RABL6: variants seen among roughly 807,000 people sequenced by gnomAD.
RABL6 encodes the protein rab-like protein 6.
A neutral mutation model predicts 72.9 loss-of-function variants in RABL6; 28 were observed. That is an observed-to-expected ratio of 0.38 (90% CI 0.28 to 0.53). The LOEUF is 0.53. RABL6 is among the 20% of genes least tolerant of loss of function. The probability of loss-of-function intolerance (pLI) is 0.80; values close to 1 mark genes in which losing one functional copy is unlikely to be tolerated. For missense variants in RABL6, 1,029 were observed against 1,008.4 expected (o/e 1.02, Z -0.28); for synonymous variants, 477 against 421.2 (o/e 1.13, Z -1.62).
chr9:136,821,828 T>C (rs904541635), intron 1 of RABL6: 4 of 1,192,170 alleles, frequency 3.4e-6, no homozygotes, highest in Admixed American at 3.5e-5. Flanking sequence ...GGCCCAGCCT[T>C]CCGCGGGGTG....
chr9:136,829,195 G>A (rs1325744857), intron 4 of RABL6, among the ~76,000 whole-genome samples, 198 bp from the exon 5 acceptor site: 2 of 152,254 alleles, frequency 1.3e-5, no homozygotes, highest in Admixed American at 6.5e-5. Flanking sequence ...GGAGCCATCA[G>A]CGAGGCTGGT....
intron 7 of RABL6, chr9:136,835,540 G>A (rs557818428): frequency 7.3e-5 from 39 of 534,608 alleles, no homozygotes; most frequent in African/African-American, 4.8e-4. Context: ...GTGTCGTGCC[G>A]GCCACCGCAG....
rs993342275 is a variant in RABL6 at position 136,821,798 on chromosome 9, G to A, written c.131-1727G>A. ...GGCCTCTGTTCTCCAAGTTCTCCGCGGGAGAGGGAGGGGAACGAGGGCCCA... is the reference window on the plus strand; with the variant it reads ...GGCCTCTGTTCTCCAAGTTCTCCGCAGGAGAGGGAGGGGAACGAGGGCCCA... On this transcript the variant is annotated intron_variant, in intron 1 of 14. Transcript: ENST00000311502. 3.4e-6 allele frequency: 4 copies of A among 1,175,290 alleles called. No homozygotes were observed. In the African/African-American group the frequency reaches 6.8e-5, roughly 20 times the overall value. 72.8% of individuals were successfully genotyped at this position (1,175,290 alleles called of 1,614,324 possible).
intron 1 of RABL6, among the ~76,000 whole-genome samples, chr9:136,817,931 A>T (rs1030436699): frequency 7.2e-5 from 11 of 151,858 alleles, no homozygotes; most frequent in Admixed American, 6.6e-4. Flanking sequence ...GCATGAGGGC[A>T]GGCGCCTGTA....
chr9:136,838,377 C>T (rs1447256904), intron 10 of RABL6, among the ~76,000 whole-genome samples: 1 of 152,218 alleles, frequency 6.6e-6, no homozygotes, highest in African/African-American at 2.4e-5. Context: ...GCTGCAGAGA[C>T]AGGGGCGGCT....
intron 1 of RABL6, chr9:136,822,086 C>A (rs1166867535): frequency 1.6e-6 from 2 of 1,288,284 alleles, no homozygotes; most frequent in South Asian, 1.2e-5. Context: ...GGGGACTGGG[C>A]CAGGAGAGAG....
intron 8 of RABL6, chr9:136,837,035 G>A (rs1447980184): frequency 3.1e-5 from 15 of 476,210 alleles, no homozygotes; most frequent in African/African-American, 5.9e-5. Flanking sequence ...CACCACACCC[G>A]GCTAATTTTT....
intron 10 of RABL6, 97 bp downstream of exon 10, chr9:136,838,112 C>T (rs888566944): frequency 1.3e-5 from 18 of 1,417,134 alleles, no homozygotes; most frequent in Admixed American, 4.3e-5. Context: ...GCAGAAGGGG[C>T]CCCCCGCCGG....
intron 1 of RABL6, chr9:136,808,864 AAG>A (rs1847937121): frequency 2.6e-5 from 4 of 152,204 alleles, no homozygotes; most frequent in Non-Finnish European, 5.9e-5. Flanking sequence ...AAGCGTTTGT[AAG>A]AGACGTATCT....
In RABL6 at chr9:136,812,538, G is replaced by A. The variant is rs143747267; in HGVS notation, c.130+4212G>A. Among the ~76,000 whole-genome samples, 581 of 152,018 alleles carry A rather than the reference G, an allele frequency of 3.8e-3. 6 individuals carry two copies. The highest frequency in any genetic ancestry group is 0.013 in the African/African-American group (558 of 41,460). On this transcript the variant is annotated intron_variant, in intron 1 of 14. Transcript: ENST00000311502. ...CACACCACTGCGCTCCAGCCTGGGC[G>A]ACAGAGTGAGACTTCGTCTTAAAAA...
At chr9:136,812,034 T>G (rs180761472) in intron 1 of RABL6, among the ~76,000 whole-genome samples, 47 of 152,348 alleles carry the variant, frequency 3.1e-4, no homozygotes, top group Admixed American at 1.6e-3. Context: ...ATTATTTGCA[T>G]ATAAAATTAT....
chr9:136,830,281 T>G (rs1457833133), intron 5 of RABL6, among the ~76,000 whole-genome samples: 2 of 152,168 alleles, frequency 1.3e-5, no homozygotes, highest in Non-Finnish European at 2.9e-5. Context: ...GGCCGCACAC[T>G]CAGCACGCAT....
Position 136,837,802 on chromosome 9 carries a change from G to T in RABL6, c.1127-60G>T. The T allele has an allele frequency of 3.2e-6, 5 of 1,542,074 alleles. No individual in the cohort carries two copies. In the South Asian group the frequency reaches 6.0e-5, roughly 18 times the overall value. ...CACATCCCGGGTGGGCCTGGCTTGG[G>T]GTTGGGTGCAGTGAGGGTTCTGGTG... On this transcript the variant is annotated intron_variant, in intron 9 of 14. Transcript: ENST00000311502.
intron 7 of RABL6, chr9:136,832,668 G>A (rs1190641959): frequency 7.1e-6 from 3 of 422,362 alleles, no homozygotes; most frequent in Non-Finnish European, 8.9e-6. Context: ...GTCTTGCTGT[G>A]TGGCCCAGGC....
chr9:136,823,452 T>C, intron 1 of RABL6, 73 bp from the exon 2 acceptor site: 28 of 1,573,530 alleles, frequency 1.8e-5, no homozygotes, highest in Non-Finnish European at 2.4e-5. Context: ...GCTCTCCTTG[T>C]AGTTGCTCTT....
intron 1 of RABL6, among the ~76,000 whole-genome samples, chr9:136,811,835 A>G (rs1052308509): frequency 1.3e-5 from 2 of 152,060 alleles, no homozygotes; most frequent in Non-Finnish European, 2.9e-5. Flanking sequence ...TTGATGTTAA[A>G]TGCTGGTGAG....
At chr9:136,828,585 G>GCCC in intron 4 of RABL6, 39 bp downstream of exon 4, 1 of 1,598,822 alleles carries the variant, frequency 6.3e-7, no homozygotes, top group Non-Finnish European at 8.6e-7. Flanking sequence ...GTGGCTCAGG[G>GCCC]CCCCGGGGTG....
rs748444625 is a variant in RABL6, at chr9:136,839,305, T to C, written c.1577T>C (p.Val526Ala). 2.5e-6 allele frequency: 4 copies of C among 1,612,158 alleles called. No homozygotes were observed. The highest frequency in any genetic ancestry group is 3.4e-6 in the Non-Finnish European group (4 of 1,179,638). ...CCCCCCTGGCCAGGCGGTGTCTCTG[T>C]TCGCACAGGTCCGGAGAAGCGCAGC... ...AAPPWPGGVSVRTGPEKRSST... is the reference protein window; with the variant it reads ...AAPPWPGGVSARTGPEKRSST... Residue 526 changes from valine (V) to alanine (A), a missense_variant, in exon 12 of 15, where the codon GTT (valine) becomes GCT (alanine). Physicochemically the swap from Val to Ala is moderately conservative, Grantham distance 64. Coordinates refer to ENST00000311502, the MANE Select transcript of RABL6 (RefSeq NM_024718.5).
At position 136,826,264 on chromosome 9, in the gene RABL6, G is replaced by A. The variant is rs944076270; in HGVS notation, c.313+438G>A. 1.3e-5 allele frequency among the ~76,000 whole-genome samples: 2 copies of A among 152,162 alleles called. No individual in the cohort carries two copies. The highest frequency in any genetic ancestry group is 2.9e-5 in the Non-Finnish European group (2 of 68,008). On this transcript the variant is annotated intron_variant, in intron 3 of 14. Transcript: ENST00000311502. This position sits in a 1 kb window ranked among gnomAD's most constrained non-coding sequence, Gnocchi z 4.9. ...CACACAGACCTGCACTCTGGGGACC[G>A]TGGGAGGGCAGCACCAGCCCCCGGG...
Sources: allele counts gnomAD v4.1 joint callset (sites outside exome capture counted in the v4.1 genomes callset), GRCh38; gene constraint gnomAD v4.1.1; non-coding constraint Gnocchi (gnomAD v3.1); transcripts MANE v1.5; gene names NCBI Gene and HGNC (gene_info 2026-07-23, HGNC 2026-07-21).